The following CSMD1 variants were observed in gnomAD, a reference collection of about 807,000 sequenced individuals.
CSMD1 encodes the protein CUB and Sushi multiple domains 1, also known as CUB and sushi domain-containing protein 1.
A neutral mutation model predicts 417.5 loss-of-function variants in CSMD1; 213 were observed. The ratio of observed to expected loss-of-function variants is 0.51; its 90% CI spans 0.46 to 0.57. CSMD1 has a LOEUF of 0.57. CSMD1 is among the 20% of genes least tolerant of loss of function. The pLI, the probability that CSMD1 is intolerant of heterozygous loss-of-function variation, is 0.00. For missense variants in CSMD1, 6,923 were observed against 4,529.7 expected (o/e 1.53, Z -15.17); for synonymous variants, 2,862 against 1,736.8 (o/e 1.65, Z -16.11).
intron 1 of CSMD1, among the ~76,000 whole-genome samples, chr8:4,917,509 C>T (rs569928510): frequency 6.6e-6 from 1 of 152,260 alleles, no homozygotes; most frequent in South Asian, 2.1e-4. Flanking sequence ...TGGCGGGTGC[C>T]TGTACTCCCA....
intron 18 of CSMD1, among the ~76,000 whole-genome samples, chr8:3,372,726 T>C (rs891721995): frequency 2.2e-4 from 33 of 152,096 alleles, no homozygotes; most frequent in African/African-American, 8.0e-4. Flanking sequence ...AAGCTCCAAG[T>C]CTGCTGGGCT....
chr8:3,960,667 A>G (rs1812262669), intron 5 of CSMD1, among the ~76,000 whole-genome samples: 1 of 152,026 alleles, frequency 6.6e-6, no homozygotes, highest in Non-Finnish European at 1.5e-5. Context: ...TCAAGAAGTT[A>G]TGATAAAACT....
intron 3 of CSMD1, among the ~76,000 whole-genome samples, chr8:4,373,728 G>C (rs1001262868): frequency 6.6e-6 from 1 of 152,018 alleles, no homozygotes; most frequent in Non-Finnish European, 1.5e-5. Flanking sequence ...CTTTCCCTCC[G>C]GGGAAGGAAC....
chr8:4,181,832 T>C (rs1221170590), intron 3 of CSMD1, among the ~76,000 whole-genome samples: 1 of 152,218 alleles, frequency 6.6e-6, no homozygotes, highest in African/African-American at 2.4e-5. Flanking sequence ...TAATATACAT[T>C]CGTACAAATA....
intron 1 of CSMD1, among the ~76,000 whole-genome samples, chr8:4,874,306 T>C (rs1802912589): frequency 6.6e-6 from 1 of 151,984 alleles, no homozygotes; most frequent in Admixed American, 6.6e-5. Context: ...TATTTATCAA[T>C]TAGTTTATTT....
chr8:4,902,304 G>T (rs10096062), intron 1 of CSMD1, among the ~76,000 whole-genome samples: 1 of 151,518 alleles, frequency 6.6e-6, no homozygotes, highest in African/African-American at 2.4e-5. Flanking sequence ...TGGCATGATG[G>T]CACACGCCTC....
chr8:3,876,267 G>T (rs535359479), intron 5 of CSMD1, among the ~76,000 whole-genome samples: 7 of 152,254 alleles, frequency 4.6e-5, no homozygotes, highest in African/African-American at 1.7e-4. Flanking sequence ...TTCACGTGTT[G>T]TTTTATTTAC....
intron 3 of CSMD1, among the ~76,000 whole-genome samples, chr8:4,083,443 C>G (rs143968634): frequency 1.7e-3 from 254 of 152,246 alleles, no homozygotes; most frequent in African/African-American, 5.6e-3. Flanking sequence ...TCAAACTATA[C>G]TACAAGGCTA....
At chr8:3,131,233 C>G (rs1395718525) in intron 41 of CSMD1, among the ~76,000 whole-genome samples, 1 of 152,052 alleles carries the variant, frequency 6.6e-6, no homozygotes. Context: ...AGTCTAATAA[C>G]TGAGGCAACT....
In CSMD1 at chr8:3,459,447, C is replaced by A. The variant is rs185379151; in HGVS notation, c.1561+9265G>T. Among the ~76,000 whole-genome samples, 333 of 152,326 alleles carry A rather than the reference C, an allele frequency of 2.2e-3. 1 individual carries two copies. Among genetic ancestry groups the A allele is most frequent in the Non-Finnish European group, 3.7e-3 (249 of 68,038 alleles). On this transcript the variant is annotated intron_variant, in intron 12 of 69. Coordinates refer to ENST00000635120, the MANE Select transcript of CSMD1 (RefSeq NM_033225.6). ...ACAGGAATATGCACTTTTAAGCCCACCCTGACCTGAATCTCCGTCTATGAA... is the reference window on the plus strand; with the variant it reads ...ACAGGAATATGCACTTTTAAGCCCAACCTGACCTGAATCTCCGTCTATGAA...
At chr8:4,750,435 T>G (rs1192612492) in intron 1 of CSMD1, among the ~76,000 whole-genome samples, 1 of 152,242 alleles carries the variant, frequency 6.6e-6, no homozygotes, top group Non-Finnish European at 1.5e-5. Flanking sequence ...TTAAATGGTT[T>G]AGAAAACCTT....
intron 68 of CSMD1, among the ~76,000 whole-genome samples, chr8:2,944,328 A>G (rs1194584583): frequency 6.6e-6 from 1 of 152,170 alleles, no homozygotes; most frequent in Non-Finnish European, 1.5e-5. Flanking sequence ...TGGGGACAAC[A>G]TGAAGTGTGT....
At chr8:4,418,226 A>G (rs1380678169) in intron 3 of CSMD1, among the ~76,000 whole-genome samples, 2 of 152,136 alleles carry the variant, frequency 1.3e-5, no homozygotes, top group Non-Finnish European at 1.5e-5. Context: ...CATTTTCTAC[A>G]TAGCCACATT....
chr8:4,905,495 A>G (rs767940960), intron 1 of CSMD1, among the ~76,000 whole-genome samples: 1 of 152,064 alleles, frequency 6.6e-6, no homozygotes, highest in Admixed American at 6.5e-5. Context: ...CATTATTTCC[A>G]TCTATTCCCT....
chr8:3,165,432 A>T (rs966777396), intron 37 of CSMD1, among the ~76,000 whole-genome samples: 5 of 151,456 alleles, frequency 3.3e-5, no homozygotes, highest in African/African-American at 9.7e-5. Flanking sequence ...TTATTTATTT[A>T]TTTTTTTATT....
chr8:3,734,341 G>A (rs1473785176), intron 6 of CSMD1, among the ~76,000 whole-genome samples: 3 of 152,184 alleles, frequency 2.0e-5, no homozygotes, highest in Admixed American at 6.5e-5. Context: ...AGAGACTGAT[G>A]AGGGCTGTTC....
intron 2 of CSMD1, among the ~76,000 whole-genome samples, chr8:4,448,543 G>C (rs1217602354): frequency 6.6e-6 from 1 of 152,124 alleles, no homozygotes; most frequent in East Asian, 1.9e-4. Flanking sequence ...TAAATCATGG[G>C]AACATCCTTT....
intron 12 of CSMD1, among the ~76,000 whole-genome samples, chr8:3,449,525 T>G (rs1343357768): frequency 6.6e-6 from 1 of 151,978 alleles, no homozygotes; most frequent in Admixed American, 6.6e-5. Context: ...CAGCAATTTT[T>G]TTTTTTTTTA....
At chr8:3,205,768 C>G (rs2116755468) in intron 30 of CSMD1, 148 bp from the exon 31 acceptor site, 1 of 481,224 alleles carries the variant, frequency 2.1e-6, no homozygotes, top group African/African-American at 2.0e-5. Context: ...GCATTGCTAT[C>G]AAAGTCATAG....
Sources: gnomAD v4.1 joint callset for allele counts (sites outside exome capture counted in the v4.1 genomes callset) on GRCh38, gnomAD v4.1.1 for gene constraint, MANE v1.5 for transcripts, NCBI Gene and HGNC (gene_info 2026-07-23, HGNC 2026-07-21) for gene names.